The following ATXN1 variants were observed in gnomAD, a reference collection of about 807,000 sequenced individuals.
ATXN1 encodes the protein ataxin-1.
Under a neutral mutation model 56.4 loss-of-function variants are expected in ATXN1, and 8 were observed. The observed-to-expected ratio is 0.14, with a 90% confidence interval of 0.08 to 0.26. ATXN1 has a LOEUF of 0.26. Ranked by LOEUF, ATXN1 falls within the 10% of genes least tolerant of loss-of-function variation. ATXN1 has a pLI of 1.00. For synonymous variants in ATXN1, 514 were observed against 494.6 expected (o/e 1.04, Z -0.52); for missense variants, 987 against 1,106.5 (o/e 0.89, Z 1.53).
At chr6:16,646,011 G>C (rs1396181806) in intron 3 of ATXN1, among the ~76,000 whole-genome samples, 1 of 152,046 alleles carries the variant, frequency 6.6e-6, no homozygotes, top group Non-Finnish European at 1.5e-5. Context: ...CTGGAACACA[G>C]GGCTCCAGAA....
At chr6:16,601,060 G>A (rs533731883) in intron 3 of ATXN1, among the ~76,000 whole-genome samples, 11 of 152,098 alleles carry the variant, frequency 7.2e-5, no homozygotes, top group Non-Finnish European at 7.4e-5. Context: ...GAAATTATAC[G>A]GGTAGTCAAA....
In ATXN1 at chr6:16,550,061, A is replaced by G. The variant is rs1761891093; in HGVS notation, c.-360-27373T>C. Among the ~76,000 whole-genome samples, 4 of 151,294 alleles carry G rather than the reference A, an allele frequency of 2.6e-5. No individual in the cohort carries two copies. The South Asian group carries it at 8.4e-4, about 32-fold the overall frequency. The stretch of plus-strand genomic sequence containing the variant: ...ACCTAGATGACAGGTTAATAGGTGC[A>G]GCAAACCACCAGAACACATGTATAC... On this transcript the variant is annotated intron_variant, in intron 4 of 7. Coordinates refer to ENST00000436367, the MANE Select transcript of ATXN1 (RefSeq NM_001128164.2).
chr6:16,459,774 C>A (rs1162152185), intron 6 of ATXN1, among the ~76,000 whole-genome samples: 1 of 152,162 alleles, frequency 6.6e-6, no homozygotes, highest in East Asian at 1.9e-4. Flanking sequence ...AGATCTAGGC[C>A]ACTTCTCAAG....
chr6:16,346,468 C>T (rs1306605750), intron 6 of ATXN1, among the ~76,000 whole-genome samples: 1 of 152,178 alleles, frequency 6.6e-6, no homozygotes, highest in Admixed American at 6.5e-5. Flanking sequence ...TAGTGAGCAG[C>T]TGCTGGTCAC....
At chr6:16,357,719 G>A (rs959497509) in intron 6 of ATXN1, among the ~76,000 whole-genome samples, 1 of 152,162 alleles carries the variant, frequency 6.6e-6, no homozygotes, top group East Asian at 1.9e-4. Context: ...CTCAGGTAGC[G>A]ACAATAAACA....
intron 5 of ATXN1, among the ~76,000 whole-genome samples, chr6:16,504,850 C>T (rs9464912): frequency 2.4e-4 from 36 of 152,308 alleles, no homozygotes; most frequent in Middle Eastern, 3.4e-3. Flanking sequence ...TCAACCAGCT[C>T]TCTGACCTTC....
intron 4 of ATXN1, among the ~76,000 whole-genome samples, chr6:16,531,817 C>T (rs1001289302): frequency 3.0e-4 from 46 of 152,256 alleles, no homozygotes; most frequent in Admixed American, 2.7e-3. Flanking sequence ...CTATCTTATT[C>T]AGTAAATACT....
At chr6:16,624,550 T>C (rs1763375076) in intron 3 of ATXN1, among the ~76,000 whole-genome samples, 1 of 152,104 alleles carries the variant, frequency 6.6e-6, no homozygotes, top group South Asian at 2.1e-4. Context: ...CAGTATTAGG[T>C]CGGGTTCAAG....
chr6:16,456,640 C>A (rs1277413606), intron 6 of ATXN1, among the ~76,000 whole-genome samples: 1 of 152,168 alleles, frequency 6.6e-6, no homozygotes, highest in East Asian at 1.9e-4. Context: ...CCCATCTATC[C>A]TATCTATCCT....
In ATXN1 at chr6:16,743,837, T is replaced by C. The variant is rs562697529; in HGVS notation, c.-615+9396A>G. ...AAAGGCTGGAGCAAAAAACAGAGTA[T>C]GGCACTTGAAGGAGGAAGTGCGATG... is the stretch of plus-strand genomic sequence containing the variant. On this transcript the variant is annotated intron_variant, in intron 2 of 7. Transcript: ENST00000436367. 5.9e-5 allele frequency among the ~76,000 whole-genome samples: 9 copies of C among 152,112 alleles called. No homozygotes were observed. In the South Asian group the frequency reaches 1.2e-3, roughly 21 times the overall value.
At chr6:16,365,341 T>G (rs1475972059) in intron 6 of ATXN1, among the ~76,000 whole-genome samples, 1 of 152,142 alleles carries the variant, frequency 6.6e-6, no homozygotes, top group Non-Finnish European at 1.5e-5. Context: ...CACGCCTGCC[T>G]AACTTTTTGT....
At chr6:16,457,812 C>T (rs12525391) in intron 6 of ATXN1, among the ~76,000 whole-genome samples, 6,878 of 152,220 alleles carry the variant, frequency 0.045, 485 homozygotes, top group East Asian at 0.36. Context: ...TAATCTCCTC[C>T]ATCCAGAAGG....
At position 16,717,603 on chromosome 6, in the gene ATXN1, T is replaced by A. The variant is rs934645843; in HGVS notation, c.-615+35630A>T. 3.3e-5 allele frequency among the ~76,000 whole-genome samples: 5 copies of A among 152,314 alleles called. No individual in the cohort carries two copies. The South Asian group carries it at 8.3e-4, about 25-fold the overall frequency. ...CATGCAGCTTAACACAGAGAGAGAA[T>A]GTGCTCATCATGTGGGCCTTGAGAG... On this transcript the variant is annotated intron_variant, in intron 2 of 7. Coordinates refer to ENST00000436367, the MANE Select transcript of ATXN1 (RefSeq NM_001128164.2).
intron 4 of ATXN1, among the ~76,000 whole-genome samples, chr6:16,573,878 C>T (rs776290887): frequency 2.0e-5 from 3 of 152,154 alleles, no homozygotes; most frequent in Non-Finnish European, 4.4e-5. Context: ...TCATAGGAAG[C>T]TCTTCCTGAA....
At chr6:16,647,760 A>G (rs720006) in intron 3 of ATXN1, among the ~76,000 whole-genome samples, 81,214 of 152,146 alleles carry the variant, frequency 0.53, 21,850 homozygotes, top group South Asian at 0.61. Flanking sequence ...AATTTTGTCA[A>G]TCATAACTCA....
intron 3 of ATXN1, among the ~76,000 whole-genome samples, chr6:16,621,311 G>A (rs140522600): frequency 5.3e-5 from 8 of 152,326 alleles, no homozygotes; most frequent in East Asian, 1.9e-4. Flanking sequence ...CGGCAAGGGC[G>A]TTAGCTGCAA....
chr6:16,424,086 G>A (rs144708406), intron 6 of ATXN1, among the ~76,000 whole-genome samples: 1 of 152,318 alleles, frequency 6.6e-6, no homozygotes, highest in East Asian at 1.9e-4. Flanking sequence ...AAGAACAGGT[G>A]TGAAAAGACC....
chr6:16,717,782 TC>T (rs1759668675), intron 2 of ATXN1, among the ~76,000 whole-genome samples: 1 of 152,122 alleles, frequency 6.6e-6, no homozygotes, highest in Admixed American at 6.5e-5. Context: ...CCAGAAGCCA[TC>T]TCTAGTCTCC....
chr6:16,573,469 CT>C (rs1411909040), intron 4 of ATXN1, among the ~76,000 whole-genome samples: 1 of 151,530 alleles, frequency 6.6e-6, no homozygotes, highest in Non-Finnish European at 1.5e-5. Flanking sequence ...CATTACCTAT[CT>C]TTAATTCCTG....
Sources: allele counts gnomAD v4.1 joint callset (sites outside exome capture counted in the v4.1 genomes callset), GRCh38; gene constraint gnomAD v4.1.1; transcripts MANE v1.5; gene names NCBI Gene and HGNC (gene_info 2026-07-23, HGNC 2026-07-21).